CDH23: variants seen among roughly 807,000 people sequenced by gnomAD.
CDH23 encodes the protein cadherin related 23.
In CDH23, 189 loss-of-function variants were observed where a neutral mutation model predicts 317.1. That is an observed-to-expected ratio of 0.60 (90% CI 0.53 to 0.67). The LOEUF (loss-of-function observed/expected upper bound fraction) is 0.67. Ranked by LOEUF, CDH23 falls within the 30% of genes least tolerant of loss-of-function variation. The pLI is 0.00. For synonymous variants in CDH23, 1,839 were observed against 1,876.8 expected (o/e 0.98, Z 0.52); for missense variants, 4,401 against 4,592.4 (o/e 0.96, Z 1.20).
rs562552133 is a variant in CDH23 at position 71,602,751 on chromosome 10, C to T, written c.833-12753C>T. 1.3e-4 allele frequency among the ~76,000 whole-genome samples: 20 copies of T among 152,278 alleles called. No homozygotes were observed. In the South Asian group the frequency reaches 4.2e-3, roughly 32 times the overall value. ...CAGGCACCCAGTTCACCATCTTTGACGCATCCTGACATGGGTTCAGCACTT... is the reference window on the plus strand; with the variant it reads ...CAGGCACCCAGTTCACCATCTTTGATGCATCCTGACATGGGTTCAGCACTT... On this transcript the variant is annotated intron_variant, in intron 9 of 69. Transcript: ENST00000224721.
At chr10:71,518,760 T>C (rs531485822) in intron 6 of CDH23, among the ~76,000 whole-genome samples, 3 of 152,338 alleles carry the variant, frequency 2.0e-5, no homozygotes, top group African/African-American at 7.2e-5. Context: ...CTGCCACCTC[T>C]TTCTGGTTCT....
chr10:71,685,963 T>C (rs538414633), intron 18 of CDH23, among the ~76,000 whole-genome samples: 4 of 152,056 alleles, frequency 2.6e-5, no homozygotes, highest in Non-Finnish European at 1.5e-5. Context: ...TGGCAGCATT[T>C]CCTGCACAGG....
In CDH23 at chr10:71,777,820, G is replaced by A; in HGVS notation, c.4986G>A (p.Leu1662=). Residue 1662 remains leucine (L), a synonymous_variant, in exon 39 of 70, where the codon CTG becomes CTA. Transcript: ENST00000224721. ...TSLITIQALD[L]DEGPNGTVTY... ...TCATCACCATCCAGGCACTGGACCTGGATGAGGGTCCCAACGGCACAGTCA... is the reference window on the plus strand; with the variant it reads ...TCATCACCATCCAGGCACTGGACCTAGATGAGGGTCCCAACGGCACAGTCA... 6.2e-7 allele frequency: 1 copy of A among 1,613,940 alleles called. No individual in the cohort carries two copies.
At position 71,767,088 on chromosome 10, in the gene CDH23, C is replaced by T. The variant is rs192179664; in HGVS notation, c.4846-10592C>T. Reference sequence around the variant, plus strand: ...CATCTGCTCAGAACTTGGGCCTGGACCTGTGCCTGAGATTTCTAGCTGTGG... The same window carrying T: ...CATCTGCTCAGAACTTGGGCCTGGATCTGTGCCTGAGATTTCTAGCTGTGG... On this transcript the variant is annotated intron_variant, in intron 38 of 69. Transcript: ENST00000224721. Among the ~76,000 whole-genome samples, 155 of 152,356 alleles carry T rather than the reference C, an allele frequency of 1.0e-3. 1 individual carries two copies. The highest frequency in any genetic ancestry group is 3.6e-3 in the African/African-American group (151 of 41,588).
intron 3 of CDH23, among the ~76,000 whole-genome samples, chr10:71,472,640 G>A (rs1851577430): frequency 6.6e-6 from 1 of 152,210 alleles, no homozygotes; most frequent in Admixed American, 6.5e-5. Flanking sequence ...GGCCTTGAAG[G>A]TCCTGCCAGA....
intron 1 of CDH23, among the ~76,000 whole-genome samples, chr10:71,402,819 A>T (rs991405829): frequency 6.6e-5 from 10 of 152,096 alleles, no homozygotes; most frequent in African/African-American, 2.4e-4. Flanking sequence ...TACTGATAAC[A>T]TTTAAAAATC....
intron 6 of CDH23, among the ~76,000 whole-genome samples, chr10:71,524,479 A>AG: frequency 6.6e-6 from 1 of 152,158 alleles, no homozygotes; most frequent in East Asian, 1.9e-4. Context: ...AAAGGCAGCT[A>AG]GGGGCAAAAG....
chr10:71,811,641 T>G, intron 64 of CDH23, 51 bp downstream of exon 64: 1 of 1,613,842 alleles, frequency 6.2e-7, no homozygotes, highest in Non-Finnish European at 8.5e-7. Context: ...TGCTCCCGGA[T>G]GGCCACGAGG....
At chr10:71,755,298 C>G in intron 38 of CDH23, 2 of 1,454,824 alleles carry the variant, frequency 1.4e-6, no homozygotes, top group South Asian at 1.2e-5. Flanking sequence ...AGGGGCTGAA[C>G]TGGGGGCTGG....
chr10:71,609,618 G>A lies in CDH23; in HGVS notation c.833-5886G>A, dbSNP rs546398538. 2.6e-5 allele frequency among the ~76,000 whole-genome samples: 4 copies of A among 152,256 alleles called. No individual in the cohort carries two copies. The East Asian group carries it at 7.7e-4, about 29-fold the overall frequency. On this transcript the variant is annotated intron_variant, in intron 9 of 69. Coordinates refer to ENST00000224721, the MANE Select transcript of CDH23 (RefSeq NM_022124.6). ...CCTCCTTCCCTGACTCTGGGCACCC[G>A]GCACTAGGCTGGTTTCCCATCTACC...
intron 3 of CDH23, among the ~76,000 whole-genome samples, chr10:71,481,795 C>G (rs1157930163): frequency 6.6e-6 from 1 of 152,230 alleles, no homozygotes; most frequent in African/African-American, 2.4e-5. Flanking sequence ...AGAGCTAACC[C>G]TTGAGACGTG....
chr10:71,648,116 G>T (rs1862983142), intron 14 of CDH23, among the ~76,000 whole-genome samples: 2 of 152,232 alleles, frequency 1.3e-5, no homozygotes, highest in Admixed American at 1.3e-4. Context: ...CAGTCAGGCT[G>T]TCAGACGTAA....
At chr10:71,548,588 G>T (rs1409809937) in intron 6 of CDH23, among the ~76,000 whole-genome samples, 2 of 152,196 alleles carry the variant, frequency 1.3e-5, no homozygotes, top group Admixed American at 6.5e-5. Flanking sequence ...CTCCCTGCAG[G>T]TCTCTGGGTG....
At chr10:71,776,749 C>A (rs773471710) in intron 38 of CDH23, among the ~76,000 whole-genome samples, 6 of 152,180 alleles carry the variant, frequency 3.9e-5, no homozygotes, top group Non-Finnish European at 8.8e-5. Flanking sequence ...CAGCCATGGG[C>A]AGAACCGCAG....
At chr10:71,630,417 A>G (rs904013037) in intron 11 of CDH23, among the ~76,000 whole-genome samples, 4 of 152,166 alleles carry the variant, frequency 2.6e-5, no homozygotes, top group Non-Finnish European at 4.4e-5. Context: ...GACTGCCGTC[A>G]TTCAGATGGG....
Position 71,397,016 on chromosome 10 carries a change from G to T in CDH23, c.-308G>T, listed in dbSNP as rs1442604053. On this transcript the variant is annotated 5_prime_UTR_variant, in exon 1 of 70. Transcript: ENST00000224721. The surrounding 1 kb of genome is among the most constrained non-coding windows in gnomAD (Gnocchi z 4.8). ...AGGACGCGTCCGACGGCGGCCGGAC[G>T]CTGAGGTGGTCGGGGCTAGTCAGCC... 3 of 152,300 alleles carry T rather than the reference G, an allele frequency of 2.0e-5. No homozygotes were observed. In the East Asian group the frequency reaches 5.9e-4, roughly 30 times the overall value. The allele number at this position is 152,300 out of a possible 1,614,324, so 9.4% of individuals were successfully genotyped here. A position where few individuals can be genotyped will look rare whatever the true frequency, so the allele number is the denominator to read the frequency against.
intron 9 of CDH23, among the ~76,000 whole-genome samples, chr10:71,599,524 G>T (rs576374108): frequency 1.3e-5 from 2 of 152,282 alleles, no homozygotes; most frequent in South Asian, 4.1e-4. Context: ...GTGAAAAATT[G>T]GTAGTGTTGT....
intron 3 of CDH23, among the ~76,000 whole-genome samples, chr10:71,494,321 T>C (rs115102048): frequency 0.017 from 2,593 of 152,294 alleles, 58 homozygotes; most frequent in African/African-American, 0.054. Flanking sequence ...TCCTGCTTTT[T>C]GTCTATGTCT....
chr10:71,661,067 G>A (rs919184898), intron 14 of CDH23, among the ~76,000 whole-genome samples: 1 of 152,188 alleles, frequency 6.6e-6, no homozygotes, highest in African/African-American at 2.4e-5. Flanking sequence ...ACACTCCCAT[G>A]AAAGGGGCAT....
Sources: allele counts gnomAD v4.1 joint callset (sites outside exome capture counted in the v4.1 genomes callset), GRCh38; gene constraint gnomAD v4.1.1; non-coding constraint Gnocchi (gnomAD v3.1); transcripts MANE v1.5; gene names NCBI Gene and HGNC (gene_info 2026-07-23, HGNC 2026-07-21).